Variants in CACNA1E observed in about 807,000 individuals in gnomAD.
CACNA1E encodes calcium voltage-gated channel subunit alpha1 E, also known as voltage-dependent R-type calcium channel subunit alpha-1E.
CACNA1E carries 40 observed loss-of-function variants against 259.2 expected under a neutral mutation model. That is an observed-to-expected ratio of 0.15 (90% CI 0.12 to 0.20). CACNA1E has a LOEUF of 0.20. CACNA1E is among the 10% of genes least tolerant of loss of function. The probability of loss-of-function intolerance (pLI) is 1.00; values close to 1 mark genes in which losing one functional copy is unlikely to be tolerated. For synonymous variants in CACNA1E, 1,104 were observed against 1,138.5 expected, an observed-to-expected ratio of 0.97 and a Z score of 0.61; for missense variants, 1,874 against 3,040.1, an observed-to-expected ratio of 0.62 and a Z score of 9.02.
Position 181,512,205 on chromosome 1 carries a change from A to G in CACNA1E, c.512+695A>G, listed in dbSNP as rs146700333. Among the ~76,000 whole-genome samples the G allele has an allele frequency of 3.4e-3, 517 of 152,382 alleles. 4 individuals carry two copies. Among genetic ancestry groups the G allele is most frequent in the African/African-American group, 0.011 (461 of 41,594 alleles). ...TAGTATGAGGAAGCTGGGTTGACCC[A>G]GTGCCCTTGGCAGCAAATGTGTTGG... On this transcript the variant is annotated intron_variant, in intron 3 of 47. Coordinates refer to ENST00000367573, the MANE Select transcript of CACNA1E (RefSeq NM_001205293.3).
chr1:181,389,078 CT>C (rs1318356752), intron 1 of CACNA1E, among the ~76,000 whole-genome samples: 2 of 152,102 alleles, frequency 1.3e-5, no homozygotes, highest in African/African-American at 4.8e-5. Flanking sequence ...TTAAAGACAT[CT>C]TCTTTAATAT....
intron 1 of CACNA1E, among the ~76,000 whole-genome samples, chr1:181,377,958 G>A (rs2609492): frequency 0.52 from 78,886 of 152,130 alleles, 21,903 homozygotes; most frequent in African/African-American, 0.73. Context: ...GCAACATATA[G>A]ACATAAATAA....
chr1:181,462,802 A>G (rs1270434564), intron 2 of CACNA1E, among the ~76,000 whole-genome samples: 1 of 152,210 alleles, frequency 6.6e-6, no homozygotes, highest in East Asian at 1.9e-4. Flanking sequence ...ATTTGTTTTT[A>G]AGATTTACCA....
chr1:181,757,022 G>A lies in CACNA1E; in HGVS notation c.4225G>A (p.Val1409Ile), dbSNP rs1273454723. Residue 1409 changes from valine to isoleucine, a missense_variant, in exon 30 of 48, where the codon GTC becomes ATC. Around this residue, in one of 14 missense-constraint regions of CACNA1E, gnomAD observed 188 missense variants for 540.6 expected, o/e 0.35. Transcript: ENST00000367573. Reference protein sequence around the residue: ...MSIFYVVYFVVFPFFFVNIFV... With the variant: ...MSIFYVVYFVIFPFFFVNIFV... ...TATCTTTTATGTAGTCTACTTTGTG[G>A]TCTTCCCCTTCTTCTTTGTCAATAT... 6.2e-7 allele frequency: 1 copy of A among 1,613,572 alleles called. No individual in the cohort carries two copies. The highest frequency in any genetic ancestry group is 1.3e-5 in the African/African-American group (1 of 74,906).
intron 1 of CACNA1E, among the ~76,000 whole-genome samples, chr1:181,507,026 T>C (rs1665769955): frequency 6.6e-6 from 1 of 151,234 alleles, no homozygotes; most frequent in South Asian, 2.1e-4. Flanking sequence ...GGCATATATA[T>C]CTGAACAATT....
chr1:181,518,050 G>A (rs745459169), intron 3 of CACNA1E, among the ~76,000 whole-genome samples: 1 of 152,056 alleles, frequency 6.6e-6, no homozygotes, highest in Non-Finnish European at 1.5e-5. Flanking sequence ...TACTGTTCTG[G>A]GCAGGTGAAG....
intron 1 of CACNA1E, among the ~76,000 whole-genome samples, chr1:181,390,951 C>T (rs532663678): frequency 6.6e-6 from 1 of 152,242 alleles, no homozygotes; most frequent in South Asian, 2.1e-4. Context: ...CCAAACTGCC[C>T]CTGCCCTTAC....
intron 2 of CACNA1E, among the ~76,000 whole-genome samples, chr1:181,437,461 C>T (rs1041278890): frequency 6.6e-6 from 1 of 152,088 alleles, no homozygotes; most frequent in African/African-American, 2.4e-5. Flanking sequence ...AGAAAAGTGG[C>T]GAATGTTGTC....
intron 27 of CACNA1E, among the ~76,000 whole-genome samples, chr1:181,753,084 G>A (rs1657742341): frequency 6.6e-6 from 1 of 152,200 alleles, no homozygotes; most frequent in Non-Finnish European, 1.5e-5. Context: ...AGAGCTCCTG[G>A]TTTCCAGCCC....
intron 3 of CACNA1E, among the ~76,000 whole-genome samples, chr1:181,568,998 T>C (rs1311603665): frequency 1.3e-5 from 2 of 152,230 alleles, no homozygotes; most frequent in Non-Finnish European, 2.9e-5. Flanking sequence ...CTGGTTTCTT[T>C]TGTGCCTCAA....
At chr1:181,745,408 C>A in intron 25 of CACNA1E, 2 of 473,814 alleles carry the variant, frequency 4.2e-6, no homozygotes, top group Non-Finnish European at 4.1e-6. Flanking sequence ...TGGCCACAGA[C>A]CCAAGCAAAA....
intron 7 of CACNA1E, among the ~76,000 whole-genome samples, chr1:181,703,839 C>A (rs1652521028): frequency 6.7e-6 from 1 of 148,774 alleles, no homozygotes; most frequent in African/African-American, 2.4e-5. Flanking sequence ...CTGTCAGGTT[C>A]CCCTCGCCTG....
intron 1 of CACNA1E, among the ~76,000 whole-genome samples, chr1:181,330,362 C>G (rs1413539288): frequency 6.6e-6 from 1 of 152,138 alleles, no homozygotes. Flanking sequence ...CCTCCAGTTT[C>G]TTATGGCTGA....
In CACNA1E at chr1:181,707,229, A is replaced by C. The variant is rs74913079; in HGVS notation, c.1056-3725A>C. Among the ~76,000 whole-genome samples, 4 of 152,352 alleles carry C rather than the reference A, an allele frequency of 2.6e-5. No homozygotes were observed. In the East Asian group the frequency reaches 7.7e-4, roughly 29 times the overall value. On this transcript the variant is annotated intron_variant, in intron 7 of 47. Coordinates refer to ENST00000367573, the MANE Select transcript of CACNA1E (RefSeq NM_001205293.3). ...AAGCATCATAAAGAAGGTCCCCCACATCCTCCATTAAGGTGCTGGAGCTGC... is the reference window on the plus strand; with the variant it reads ...AAGCATCATAAAGAAGGTCCCCCACCTCCTCCATTAAGGTGCTGGAGCTGC...
At chr1:181,602,787 G>C in intron 6 of CACNA1E, among the ~76,000 whole-genome samples, 1 of 152,114 alleles carries the variant, frequency 6.6e-6, no homozygotes, top group East Asian at 1.9e-4. Context: ...GATGTCCTTA[G>C]TATTATTAGG....
At chr1:181,559,203 A>G (rs1042864352) in intron 3 of CACNA1E, among the ~76,000 whole-genome samples, 10 of 152,212 alleles carry the variant, frequency 6.6e-5, no homozygotes, top group African/African-American at 2.4e-4. Context: ...ATGAGAAGCT[A>G]GGGAGCTATA....
At chr1:181,510,613 C>T (rs763365830) in intron 2 of CACNA1E, 31 bp downstream of exon 2, 14 of 1,402,852 alleles carry the variant, frequency 1.0e-5, no homozygotes, top group Non-Finnish European at 1.2e-5. Flanking sequence ...TCCCCTTTGC[C>T]CCTTTTGTCT....
chr1:181,605,316 G>C (rs559204434), intron 6 of CACNA1E, among the ~76,000 whole-genome samples: 1 of 151,746 alleles, frequency 6.6e-6, no homozygotes, highest in Non-Finnish European at 1.5e-5. Flanking sequence ...AAAAAGGGGA[G>C]GGTGGGGTGG....
intron 6 of CACNA1E, among the ~76,000 whole-genome samples, chr1:181,641,235 T>C (rs1222389463): frequency 6.6e-6 from 1 of 152,226 alleles, no homozygotes; most frequent in African/African-American, 2.4e-5. Context: ...GGAAACCTTA[T>C]AGCGGCTTAG....
Sources: allele counts gnomAD v4.1 joint callset (sites outside exome capture counted in the v4.1 genomes callset), GRCh38; gene constraint gnomAD v4.1.1; regional missense constraint gnomAD v4.1.1; transcripts MANE v1.5; gene names NCBI Gene and HGNC (gene_info 2026-07-23, HGNC 2026-07-21).